Variants in ZFYVE26 observed in about 807,000 individuals in gnomAD.
The protein encoded by ZFYVE26 is zinc finger FYVE-type containing 26.
A neutral mutation model predicts 276.5 loss-of-function variants in ZFYVE26; 181 were observed. The ratio of observed to expected loss-of-function variants is 0.65; its 90% CI spans 0.58 to 0.74. The LOEUF is 0.74. Among genes scored for constraint, ZFYVE26 ranks in the 30% least tolerant of loss-of-function variants. The pLI is 0.00. For synonymous variants in ZFYVE26, 1,129 were observed against 1,203.1 expected (o/e 0.94, Z 1.27); for missense variants, 2,821 against 3,097.9 (o/e 0.91, Z 2.12).
At chr14:67,742,784 TCCTTCCTTCCTTCCTTCTTC>T (rs144935589), downstream of ZFYVE26, among the ~76,000 whole-genome samples, 359 of 147,634 alleles carry the variant, frequency 2.4e-3, 14 homozygotes, top group African/African-American at 8.5e-3. Context: ...AGCACAGAGT[TCCTTCCTTCCTTCCTTCTTC>T]CCTTCCTTCC....
chr14:67,777,062 T>A (rs1172802872), intron 25 of ZFYVE26, among the ~76,000 whole-genome samples: 4 of 152,234 alleles, frequency 2.6e-5, no homozygotes, highest in Non-Finnish European at 5.9e-5. Context: ...CAACTAACCC[T>A]CTTCCACTAG....
chr14:67,793,901 A>T (rs1207067537), intron 13 of ZFYVE26, 142 bp from the exon 14 acceptor site: 4 of 1,199,080 alleles, frequency 3.3e-6, no homozygotes, highest in Admixed American at 2.0e-5. Context: ...TTTTTCCTCA[A>T]ATGAAGGGCA....
Position 67,815,927 on chromosome 14 carries a change from G to A in ZFYVE26, c.37C>T (p.Gln13Ter). The part of the protein sequence containing the change: ...HPFGKEEAAS[Q>*]KQLFGFFCEC... ...CAGAAAAATCCAAAAAGCTGCTTCT[G>A]CGAAGCAGCTTCCTCTTTTCCAAAT... Residue 13 changes from glutamine (Q) to a stop codon, truncating the protein, a stop_gained, in exon 2 of 42, where the codon CAG (glutamine) becomes TAG (stop). Coordinates refer to ENST00000347230, the MANE Select transcript of ZFYVE26 (RefSeq NM_015346.4). LOFTEE classifies it high-confidence loss of function. The A allele has an allele frequency of 6.2e-7, 1 of 1,613,220 alleles. No homozygotes were observed. The highest frequency in any genetic ancestry group is 8.5e-7 in the Non-Finnish European group (1 of 1,179,766).
intron 3 of ZFYVE26, 36 bp downstream of exon 3, chr14:67,813,950 T>C: frequency 6.7e-7 from 1 of 1,488,022 alleles, no homozygotes; most frequent in Non-Finnish European, 9.4e-7. Context: ...TTCTCAGTCC[T>C]GGCCTCGGAG....
At chr14:67,805,786 T>C (rs1287582064) in intron 6 of ZFYVE26, among the ~76,000 whole-genome samples, 168 bp from the exon 7 acceptor site, 1 of 152,204 alleles carries the variant, frequency 6.6e-6, no homozygotes, top group African/African-American at 2.4e-5. Flanking sequence ...CCCAGCACTT[T>C]GGGAGGCCAA....
chr14:67,777,205 AGTCCAGGTGATTCTAATATATT>A (rs2039367769), intron 25 of ZFYVE26, among the ~76,000 whole-genome samples: 1 of 152,166 alleles, frequency 6.6e-6, no homozygotes, highest in Non-Finnish European at 1.5e-5. Context: ...TTTTTTCTTA[AGTCCAGGTGATTCTAATATATT>A]GTCAGCATTG....
chr14:67,777,842 C>G, intron 24 of ZFYVE26, 107 bp from the exon 25 acceptor site: 1 of 1,427,650 alleles, frequency 7.0e-7, no homozygotes, highest in Non-Finnish European at 9.8e-7. Flanking sequence ...TTTGGACTAA[C>G]CCTTTCTCTA....
intron 30 of ZFYVE26, among the ~76,000 whole-genome samples, 200 bp from the exon 31 acceptor site, chr14:67,768,040 G>A (rs550878849): frequency 3.3e-5 from 5 of 152,272 alleles, no homozygotes; most frequent in East Asian, 3.9e-4. Flanking sequence ...GACCTGAGGC[G>A]AGTGTTACAG....
At chr14:67,801,437 C>T (rs1415641499) in intron 10 of ZFYVE26, among the ~76,000 whole-genome samples, 2 of 152,154 alleles carry the variant, frequency 1.3e-5, no homozygotes, top group Admixed American at 6.5e-5. Flanking sequence ...AAGATGATCA[C>T]GCCTACTTAG....
At chr14:67,759,773 T>C (rs1790156482) in intron 35 of ZFYVE26, among the ~76,000 whole-genome samples, 1 of 152,104 alleles carries the variant, frequency 6.6e-6, no homozygotes, top group South Asian at 2.1e-4. Flanking sequence ...TGCTAAGGAA[T>C]CTGAAGTTCT....
exon 14 of ZFYVE26, chr14:67,729,532 A>G: frequency 1.3e-6 from 1 of 752,664 alleles, no homozygotes; most frequent in Non-Finnish European, 2.3e-6. Flanking sequence ...TGCTTTGTTA[A>G]GGAAACTTAC....
intron 28 of ZFYVE26, chr14:67,770,049 G>A: frequency 2.5e-6 from 1 of 405,540 alleles, no homozygotes. Flanking sequence ...AGCCAGTGCA[G>A]ATCACATTTC....
At chr14:67,799,678 T>C in intron 10 of ZFYVE26, 1 of 1,153,102 alleles carries the variant, frequency 8.7e-7, no homozygotes, top group African/African-American at 1.6e-5. Flanking sequence ...CTGGCAAGAT[T>C]TGAAGGCAAA....
intron 27 of ZFYVE26, among the ~76,000 whole-genome samples, chr14:67,773,534 C>CAAAA (rs35244775): frequency 8.5e-6 from 1 of 117,874 alleles, no homozygotes; most frequent in Non-Finnish European, 1.7e-5. Flanking sequence ...ATCCTGTCTC[C>CAAAA]AAAAAAAAAA....
At chr14:67,733,786 A>G in intron 13 of ZFYVE26, 1 of 1,613,576 alleles carries the variant, frequency 6.2e-7, no homozygotes, top group South Asian at 1.1e-5. Context: ...GGCCCGAAAT[A>G]ACAAAACAGC....
At chr14:67,738,723 A>G (rs2038380557) in intron 13 of ZFYVE26, among the ~76,000 whole-genome samples, 1 of 152,162 alleles carries the variant, frequency 6.6e-6, no homozygotes, top group Admixed American at 6.5e-5. Context: ...TGATTTTTCA[A>G]TTTTTTAAAA....
chr14:67,786,223 T>C lies in ZFYVE26; in HGVS notation c.3030A>G (p.Ile1010Met). 2.0e-6 allele frequency: 3 copies of C among 1,530,672 alleles called. No individual in the cohort carries two copies. The highest frequency in any genetic ancestry group is 2.7e-6 in the Non-Finnish European group (3 of 1,127,658). 94.8% of individuals were successfully genotyped at this position (1,530,672 alleles called of 1,614,324 possible). The change falls in exon 17 of 42, where the codon ATA becomes ATG. Residue 1010 changes from isoleucine (I) to methionine (M), a missense_variant. By Grantham distance (10) the Ile-to-Met change is conservative. Transcript: ENST00000347230. ...CATCAGCATTTAGGAGTACGTGGTC[T>C]ATCCGTCGACCTGGAAATAGATGAA... The part of the protein sequence containing the change: ...NSSLERRGRR[I>M]DHVLLNADGI...
chr14:67,752,030 A>G (rs981639453), intron 40 of ZFYVE26, among the ~76,000 whole-genome samples: 3 of 152,226 alleles, frequency 2.0e-5, no homozygotes, highest in Admixed American at 1.3e-4. Flanking sequence ...AACAGGCTTC[A>G]AAGTTCATCT....
Position 67,762,687 on chromosome 14 carries a change from G to T in ZFYVE26, c.6144C>A (p.Tyr2048Ter), listed in dbSNP as rs756042888. ...TTTGTCTCACCTCAACGCCCAGTTGGTAGTACTCGGCTTCCAAAAGCTGGT... is the reference window on the plus strand; with the variant it reads ...TTTGTCTCACCTCAACGCCCAGTTGTTAGTACTCGGCTTCCAAAAGCTGGT... ...LRNQLLEAEYYQLGVEVSTKT... is the reference protein window; with the variant it reads ...LRNQLLEAEY Residue 2048 changes from tyrosine (Y) to a stop codon, truncating the protein, a stop_gained, in exon 33 of 42, where the codon TAC (tyrosine) becomes TAA (stop). Coordinates refer to ENST00000347230, the MANE Select transcript of ZFYVE26 (RefSeq NM_015346.4). LOFTEE classifies it high-confidence loss of function. The T allele has an allele frequency of 1.9e-6, 3 of 1,613,800 alleles. No individual in the cohort carries two copies. The highest frequency in any genetic ancestry group is 2.5e-6 in the Non-Finnish European group (3 of 1,180,054).
Sources: allele counts gnomAD v4.1 joint callset (sites outside exome capture counted in the v4.1 genomes callset), GRCh38; gene constraint gnomAD v4.1.1; transcripts MANE v1.5; gene names NCBI Gene and HGNC (gene_info 2026-07-23, HGNC 2026-07-21).